The following DIP2B variants were observed in gnomAD, a reference collection of about 807,000 sequenced individuals.
The protein encoded by DIP2B is DIP2 acetate--CoA ligase B (putative), also known as disco-interacting protein 2 homolog B.
In DIP2B, 76 loss-of-function variants were observed where a neutral mutation model predicts 198.0. The ratio of observed to expected loss-of-function variants is 0.38; its 90% CI spans 0.32 to 0.46. The LOEUF (loss-of-function observed/expected upper bound fraction) is 0.46. Among genes scored for constraint, DIP2B ranks in the 20% least tolerant of loss-of-function variants. The pLI, the probability that DIP2B is intolerant of heterozygous loss-of-function variation, is 0.99. For missense variants in DIP2B, 1,559 were observed against 1,978.4 expected (o/e 0.79, Z 4.02); for synonymous variants, 701 against 739.1 (o/e 0.95, Z 0.84).
At position 50,611,741 on chromosome 12, in the gene DIP2B, T is replaced by A. The variant is rs1244163884; in HGVS notation, c.101-14235T>A. 2.6e-5 allele frequency among the ~76,000 whole-genome samples: 4 copies of A among 152,248 alleles called. No individual in the cohort carries two copies. The East Asian group carries it at 7.7e-4, about 29-fold the overall frequency. ...CCACCACCATGTCCCCCAAAGCCAT[T>A]CCCTGGACCAGCAATAATTTATTTA... On this transcript the variant is annotated intron_variant, in intron 1 of 37. Coordinates refer to ENST00000301180, the MANE Select transcript of DIP2B (RefSeq NM_173602.3).
intron 2 of DIP2B, among the ~76,000 whole-genome samples, chr12:50,627,792 C>T (rs1423477357): frequency 2.0e-5 from 3 of 152,248 alleles, no homozygotes; most frequent in African/African-American, 7.2e-5. Flanking sequence ...GATGGCCTTG[C>T]AGGTGACCTC....
At chr12:50,689,251 T>C (rs1939182240) in intron 12 of DIP2B, among the ~76,000 whole-genome samples, 1 of 151,668 alleles carries the variant, frequency 6.6e-6, no homozygotes, top group Non-Finnish European at 1.5e-5. Context: ...TAACAAAAAT[T>C]AACCGGGTGT....
intron 20 of DIP2B, among the ~76,000 whole-genome samples, chr12:50,704,968 A>C (rs556338489): frequency 2.5e-4 from 38 of 152,162 alleles, no homozygotes; most frequent in African/African-American, 6.7e-4. Flanking sequence ...CAAAAAAAAA[A>C]CAAAAAAGTT....
Position 50,560,840 on chromosome 12 carries a change from C to T in DIP2B, c.100+55600C>T, listed in dbSNP as rs149911507. Among the ~76,000 whole-genome samples, 25 of 152,324 alleles carry T rather than the reference C, an allele frequency of 1.6e-4. No homozygotes were observed. In the East Asian group the frequency reaches 4.6e-3, roughly 28 times the overall value. On this transcript the variant is annotated intron_variant, in intron 1 of 37. Coordinates refer to ENST00000301180, the MANE Select transcript of DIP2B (RefSeq NM_173602.3). ...TTCTCAATTTACAGCCTGATGATCACTAATCTCAGTGAGATAGTTCATTTA... is the reference window on the plus strand; with the variant it reads ...TTCTCAATTTACAGCCTGATGATCATTAATCTCAGTGAGATAGTTCATTTA...
intron 19 of DIP2B, among the ~76,000 whole-genome samples, chr12:50,700,854 C>G (rs552926251): frequency 6.6e-6 from 1 of 152,230 alleles, no homozygotes; most frequent in East Asian, 1.9e-4. Flanking sequence ...ATACATTTAA[C>G]TAATTTAAAT....
chr12:50,603,445 TA>T (rs1366355404), intron 1 of DIP2B, among the ~76,000 whole-genome samples: 1 of 151,962 alleles, frequency 6.6e-6, no homozygotes, highest in Admixed American at 6.6e-5. Flanking sequence ...TTGAGTCTTT[TA>T]AAAAACATCT....
chr12:50,591,228 A>G lies in DIP2B; in HGVS notation c.101-34748A>G, dbSNP rs528753304. On this transcript the variant is annotated intron_variant, in intron 1 of 37. Transcript: ENST00000301180. ...AGTTTTTTCAAAGAGCAGGAATTCAATAATCTGTTTTACTTCTCCATGGAC... is the reference window on the plus strand; with the variant it reads ...AGTTTTTTCAAAGAGCAGGAATTCAGTAATCTGTTTTACTTCTCCATGGAC... Among the ~76,000 whole-genome samples, 20 of 152,342 alleles carry G rather than the reference A, an allele frequency of 1.3e-4. No individual in the cohort carries two copies. The East Asian group carries it at 3.7e-3, about 28-fold the overall frequency.
intron 1 of DIP2B, among the ~76,000 whole-genome samples, chr12:50,527,036 C>A (rs1189192751): frequency 1.3e-5 from 2 of 152,162 alleles, no homozygotes; most frequent in African/African-American, 4.8e-5. Flanking sequence ...TGTAATAAAA[C>A]CAAAATCAGT....
At chr12:50,719,678 T>C (rs538130152) in intron 25 of DIP2B, among the ~76,000 whole-genome samples, 1 of 151,572 alleles carries the variant, frequency 6.6e-6, no homozygotes, top group South Asian at 2.1e-4. Flanking sequence ...CTGTCTCTAC[T>C]AAAAATATAA....
chr12:50,732,286 AG>A lies in DIP2B; in HGVS notation c.3811-78del, dbSNP rs1319522340. Reference sequence around the variant, plus strand: ...ACAATTGCTTGGCTTTTCCTGACCAAGGAGCTAGAACAGTGGCCTTACCTGT... The same window carrying A: ...ACAATTGCTTGGCTTTTCCTGACCAAGAGCTAGAACAGTGGCCTTACCTGT... On this transcript the variant is annotated intron_variant, in intron 31 of 37. Coordinates refer to ENST00000301180, the MANE Select transcript of DIP2B (RefSeq NM_173602.3). The A allele has an allele frequency of 2.3e-5, 34 of 1,501,506 alleles. No homozygotes were observed. The Admixed American group carries it at 6.3e-4, about 28-fold the overall frequency. The allele number at this position is 1,501,506 out of a possible 1,614,324, so 93.0% of individuals were successfully genotyped here. A position where few individuals can be genotyped will look rare whatever the true frequency, so the allele number is the denominator to read the frequency against.
chr12:50,701,375 G>T (rs1026719218), intron 19 of DIP2B, among the ~76,000 whole-genome samples: 3 of 151,428 alleles, frequency 2.0e-5, no homozygotes, highest in African/African-American at 7.4e-5. Context: ...TTTGTGGTTT[G>T]TTTTTTTGTT....
In DIP2B at chr12:50,650,081, G is replaced by A. The variant is rs572163656; in HGVS notation, c.301+9229G>A. Among the ~76,000 whole-genome samples, 16 of 152,076 alleles carry A rather than the reference G, an allele frequency of 1.1e-4. No individual in the cohort carries two copies. In the South Asian group the frequency reaches 3.1e-3, roughly 30 times the overall value. On this transcript the variant is annotated intron_variant, in intron 3 of 37. Coordinates refer to ENST00000301180, the MANE Select transcript of DIP2B (RefSeq NM_173602.3). The stretch of plus-strand genomic sequence containing the variant: ...AAAAATGAGCCAGGGGTGGTGGTGG[G>A]TGCCTGTAATCCTAGCTACTCAGGA...
chr12:50,655,224 G>A (rs1369409405), intron 3 of DIP2B, among the ~76,000 whole-genome samples: 1 of 151,990 alleles, frequency 6.6e-6, no homozygotes, highest in Non-Finnish European at 1.5e-5. Flanking sequence ...TGATTTCCAG[G>A]GTATATTGTT....
At chr12:50,704,441 T>C (rs113410142) in intron 20 of DIP2B, among the ~76,000 whole-genome samples, 20 of 152,318 alleles carry the variant, frequency 1.3e-4, no homozygotes, top group African/African-American at 4.8e-4. Flanking sequence ...TTTTATTTTC[T>C]TTTTTTCCCC....
chr12:50,639,922 G>T (rs2139485798), intron 2 of DIP2B, among the ~76,000 whole-genome samples: 1 of 152,218 alleles, frequency 6.6e-6, no homozygotes, highest in South Asian at 2.1e-4. Context: ...TGGTTGCCAG[G>T]GCATATAGGG....
intron 1 of DIP2B, among the ~76,000 whole-genome samples, chr12:50,542,597 C>T (rs1387390592): frequency 6.6e-6 from 1 of 152,136 alleles, no homozygotes; most frequent in African/African-American, 2.4e-5. Flanking sequence ...TGAGCTGCAA[C>T]CACACCTAGA....
intron 21 of DIP2B, among the ~76,000 whole-genome samples, chr12:50,707,439 A>G (rs1939533503): frequency 6.6e-6 from 1 of 152,174 alleles, no homozygotes; most frequent in Non-Finnish European, 1.5e-5. Flanking sequence ...TGTTGGGTGA[A>G]TGTATGTGGA....
chr12:50,632,985 C>T (rs970482849), intron 2 of DIP2B, among the ~76,000 whole-genome samples: 4 of 151,734 alleles, frequency 2.6e-5, no homozygotes, highest in Non-Finnish European at 5.9e-5. Flanking sequence ...CGCTATGTTG[C>T]TCAGGCTGGT....
In DIP2B at chr12:50,734,153, C is replaced by A; in HGVS notation, c.4000C>A (p.Pro1334Thr). 4 of 1,614,156 alleles carry A rather than the reference C, an allele frequency of 2.5e-6. No homozygotes were observed. Among genetic ancestry groups the A allele is most frequent in the Non-Finnish European group, 1.7e-6 (2 of 1,180,020 alleles). Reference protein sequence around the residue: ...ICLQGTSGPDPTTVYVDLKSL... With the variant: ...ICLQGTSGPDTTTVYVDLKSL... ...TCTTTAGGGAACCTCAGGGCCTGATCCGACTACTGTGTATGTGGATCTGAA... is the reference window on the plus strand; with the variant it reads ...TCTTTAGGGAACCTCAGGGCCTGATACGACTACTGTGTATGTGGATCTGAA... The change falls in exon 33 of 38, where the codon CCG (proline) becomes ACG (threonine). Residue 1334 changes from proline to threonine, a missense_variant. Pro to Thr is a conservative substitution (Grantham distance 38). Coordinates refer to ENST00000301180, the MANE Select transcript of DIP2B (RefSeq NM_173602.3).
Sources: allele counts gnomAD v4.1 joint callset (sites outside exome capture counted in the v4.1 genomes callset), GRCh38; gene constraint gnomAD v4.1.1; transcripts MANE v1.5; gene names NCBI Gene and HGNC (gene_info 2026-07-23, HGNC 2026-07-21).